The following KIAA0825 variants were observed in gnomAD, a reference collection of about 807,000 sequenced individuals.
KIAA0825 encodes uncharacterized protein KIAA0825.
KIAA0825 carries 119 observed loss-of-function variants against 147.6 expected under a neutral mutation model. The ratio of observed to expected loss-of-function variants is 0.81; its 90% CI spans 0.69 to 0.94. The LOEUF (loss-of-function observed/expected upper bound fraction) is 0.94, where lower values mean the gene tolerates loss of function less well. KIAA0825 is among the 40% of genes least tolerant of loss of function. The pLI is 0.00. For synonymous variants in KIAA0825, 470 were observed against 518.1 expected (o/e 0.91, Z 1.26); for missense variants, 1,381 against 1,472.7 (o/e 0.94, Z 1.02).
chr5:94,259,194 G>A (rs1462845054), intron 20 of KIAA0825, among the ~76,000 whole-genome samples: 6 of 151,982 alleles, frequency 3.9e-5, no homozygotes, highest in Non-Finnish European at 8.8e-5. Context: ...TAAATTTTGT[G>A]TGCCAACTTA....
chr5:94,555,176 T>G (rs1271670827), intron 2 of KIAA0825, among the ~76,000 whole-genome samples: 1 of 152,094 alleles, frequency 6.6e-6, no homozygotes, highest in Admixed American at 6.6e-5. Context: ...TGAAATTTCT[T>G]TCTTCTCATT....
At chr5:94,536,860 C>G (rs1166955271) in intron 3 of KIAA0825, 136 bp downstream of exon 3, 1 of 565,488 alleles carries the variant, frequency 1.8e-6, no homozygotes, top group South Asian at 2.6e-5. Flanking sequence ...AGAGGGGGGT[C>G]TAATCAATAT....
chr5:94,154,144 T>G lies in KIAA0825; in HGVS notation c.3711-20A>C. ...TCCCACCTAAAAGAAAAATCACATC[T>G]TAGCATTTTTGTAACTTTCAAACCA... On this transcript the variant is annotated intron_variant, in intron 20 of 20. Coordinates refer to ENST00000682413, the MANE Select transcript of KIAA0825 (RefSeq NM_001145678.3). 1 of 1,471,446 alleles carries G rather than the reference T, an allele frequency of 6.8e-7. No homozygotes were observed. The highest frequency in any genetic ancestry group is 1.4e-5 in the African/African-American group (1 of 71,586). The allele number at this position is 1,471,446 out of a possible 1,614,324, so 91.1% of individuals were successfully genotyped here. A position where few individuals can be genotyped will look rare whatever the true frequency, so the allele number is the denominator to read the frequency against.
At chr5:94,238,731 CCTCT>C (rs138590038) in intron 20 of KIAA0825, among the ~76,000 whole-genome samples, 1 of 150,566 alleles carries the variant, frequency 6.6e-6, no homozygotes, top group Non-Finnish European at 1.5e-5. Context: ...ACAGTCCCTC[CCTCT>C]CTCTCTCTCT....
intron 20 of KIAA0825, among the ~76,000 whole-genome samples, chr5:94,222,964 A>G (rs1344434550): frequency 1.3e-5 from 2 of 152,114 alleles, no homozygotes; most frequent in Non-Finnish European, 2.9e-5. Context: ...AAGAGCATCT[A>G]AATTCTACTT....
intron 20 of KIAA0825, among the ~76,000 whole-genome samples, chr5:94,252,602 C>A (rs1776021442): frequency 6.6e-6 from 1 of 151,816 alleles, no homozygotes; most frequent in Admixed American, 6.6e-5. Flanking sequence ...TCAGCAAAAG[C>A]CACAATGAGC....
At chr5:94,429,663 C>T (rs1484904911) in intron 14 of KIAA0825, among the ~76,000 whole-genome samples, 2 of 152,138 alleles carry the variant, frequency 1.3e-5, no homozygotes, top group Admixed American at 6.5e-5. Flanking sequence ...CCCTACTCAG[C>T]CCTGGGGGGT....
intron 20 of KIAA0825, among the ~76,000 whole-genome samples, chr5:94,210,455 T>C (rs1772603446): frequency 6.6e-6 from 1 of 152,186 alleles, no homozygotes; most frequent in Non-Finnish European, 1.5e-5. Context: ...TGAGGAAATG[T>C]AACAGTGAAC....
intron 20 of KIAA0825, among the ~76,000 whole-genome samples, chr5:94,282,079 G>T (rs1361565527): frequency 1.3e-5 from 2 of 152,216 alleles, no homozygotes; most frequent in African/African-American, 4.8e-5. Flanking sequence ...TTTGGAAGAT[G>T]TTCTCAATTA....
Position 94,153,725 on chromosome 5 carries a change from G to A in KIAA0825, c.*282C>T. 1 of 251,166 alleles carries A rather than the reference G, an allele frequency of 4.0e-6. No homozygotes were observed. Among genetic ancestry groups the A allele is most frequent in the Non-Finnish European group, 7.5e-6 (1 of 132,842 alleles). 15.6% of individuals were successfully genotyped at this position (251,166 alleles called of 1,614,324 possible). A position where few individuals can be genotyped will look rare whatever the true frequency, so the allele number is the denominator to read the frequency against. ...CTGTTGTCATAGATACTTCAAGACTGAAAGGAGAAAAAAATAATTCAAAGG... is the reference window on the plus strand; with the variant it reads ...CTGTTGTCATAGATACTTCAAGACTAAAAGGAGAAAAAAATAATTCAAAGG... On this transcript the variant is annotated 3_prime_UTR_variant, in exon 21 of 21. Transcript: ENST00000682413.
chr5:94,335,959 T>C (rs1215176314), intron 20 of KIAA0825, among the ~76,000 whole-genome samples: 1 of 152,214 alleles, frequency 6.6e-6, no homozygotes, highest in Non-Finnish European at 1.5e-5. Context: ...TGTTCCATAA[T>C]GTTGTGTCAA....
At chr5:94,297,229 T>G (rs1048463324) in intron 20 of KIAA0825, among the ~76,000 whole-genome samples, 1 of 152,154 alleles carries the variant, frequency 6.6e-6, no homozygotes, top group African/African-American at 2.4e-5. Flanking sequence ...TGGCTTCAAA[T>G]ACAGTTATTA....
At chr5:94,460,123 A>G (rs1329995139) in intron 12 of KIAA0825, among the ~76,000 whole-genome samples, 1 of 152,146 alleles carries the variant, frequency 6.6e-6, no homozygotes, top group African/African-American at 2.4e-5. Flanking sequence ...AAAATGCAAC[A>G]TATGAAACCA....
chr5:94,246,671 G>C (rs1775633161), intron 20 of KIAA0825, among the ~76,000 whole-genome samples: 1 of 152,154 alleles, frequency 6.6e-6, no homozygotes, highest in Non-Finnish European at 1.5e-5. Context: ...ACATAGAGCA[G>C]ATATGAGTTA....
At chr5:94,327,261 T>G (rs1780791535) in intron 20 of KIAA0825, among the ~76,000 whole-genome samples, 1 of 152,082 alleles carries the variant, frequency 6.6e-6, no homozygotes, top group African/African-American at 2.4e-5. Flanking sequence ...TTTAAATTAT[T>G]AATCCAGCCA....
chr5:94,408,513 ATT>A (rs1449926577), intron 15 of KIAA0825, among the ~76,000 whole-genome samples: 1 of 118,114 alleles, frequency 8.5e-6, no homozygotes, highest in East Asian at 2.5e-4. Context: ...CACTCAGCTA[ATT>A]TGTGTGTGTG....
At chr5:94,227,677 A>G (rs995087366) in intron 20 of KIAA0825, among the ~76,000 whole-genome samples, 16 of 152,136 alleles carry the variant, frequency 1.1e-4, no homozygotes, top group Admixed American at 6.6e-4. Flanking sequence ...TTGCAGGGAC[A>G]TGGATGAAGC....
intron 14 of KIAA0825, among the ~76,000 whole-genome samples, chr5:94,428,140 TTGTTGTGTGTGTG>T (rs1755141425): frequency 7.1e-6 from 1 of 140,378 alleles, no homozygotes; most frequent in Admixed American, 7.7e-5. Context: ...GGATAAGGTC[TTGTTGTGTGTGTG>T]TGTGTGTGTG....
At chr5:94,470,453 T>A (rs12716465) in intron 9 of KIAA0825, among the ~76,000 whole-genome samples, 48,340 of 151,984 alleles carry the variant, frequency 0.32, 8,032 homozygotes, top group South Asian at 0.43. Flanking sequence ...GGTTATTGTT[T>A]TTACTAGAGA....
Sources: allele counts gnomAD v4.1 joint callset (sites outside exome capture counted in the v4.1 genomes callset), GRCh38; gene constraint gnomAD v4.1.1; transcripts MANE v1.5; gene names NCBI Gene and HGNC (gene_info 2026-07-23, HGNC 2026-07-21).